Variants in SCEL observed in about 807,000 individuals in gnomAD.
SCEL encodes sciellin.
SCEL carries 113 observed loss-of-function variants against 117.6 expected under a neutral mutation model. That is an observed-to-expected ratio of 0.96 (90% CI 0.83 to 1.12). The LOEUF (loss-of-function observed/expected upper bound fraction) is 1.12. Ranked by LOEUF, SCEL falls within the 50% of genes most tolerant of loss-of-function variation. The pLI, the probability that SCEL is intolerant of heterozygous loss-of-function variation, is 0.00. For missense variants in SCEL, 785 were observed against 810.8 expected, an observed-to-expected ratio of 0.97 and a Z score of 0.39; for synonymous variants, 270 against 256.2, an observed-to-expected ratio of 1.05 and a Z score of -0.51.
In SCEL at chr13:77,634,433, G is replaced by C. The variant is rs1260444373; in HGVS notation, c.1746G>C (p.Arg582Ser). ...CACAGGATACTGTTGTGTACACAAGGACATATGTGGAGAATAGGTATTCAA... is the reference window on the plus strand; with the variant it reads ...CACAGGATACTGTTGTGTACACAAGCACATATGTGGAGAATAGGTATTCAA... ...AGPQDTVVYT[R>S]TYVENSKSPK... The change falls in exon 29 of 33, where the codon AGG becomes AGC. Residue 582 changes from arginine to serine, a missense_variant. By Grantham distance (110) the Arg-to-Ser change is moderately radical. Transcript: ENST00000349847. 1.2e-6 allele frequency: 2 copies of C among 1,611,952 alleles called. No individual in the cohort carries two copies. Among genetic ancestry groups the C allele is most frequent in the African/African-American group, 2.7e-5 (2 of 74,864 alleles).
At chr13:77,538,515 A>C (rs549607360) in intron 1 of SCEL, among the ~76,000 whole-genome samples, 2 of 152,300 alleles carry the variant, frequency 1.3e-5, no homozygotes, top group South Asian at 4.1e-4. Flanking sequence ...TGTGATTTTG[A>C]AGCTCGGGAG....
At chr13:77,555,497 C>G (rs1478444322) in intron 1 of SCEL, among the ~76,000 whole-genome samples, 1 of 152,184 alleles carries the variant, frequency 6.6e-6, no homozygotes, top group African/African-American at 2.4e-5. Flanking sequence ...TGCCCAGACA[C>G]TTGTCTAACT....
intron 11 of SCEL, among the ~76,000 whole-genome samples, chr13:77,593,304 G>GCGCGCGTC (rs1567392141): frequency 2.7e-5 from 4 of 146,704 alleles, no homozygotes; most frequent in Admixed American, 6.8e-5. Context: ...GTGTCTGTGT[G>GCGCGCGTC]TGTGTGTGTG....
At chr13:77,540,061 G>T (rs1385228604) in intron 1 of SCEL, among the ~76,000 whole-genome samples, 1 of 152,136 alleles carries the variant, frequency 6.6e-6, no homozygotes, top group African/African-American at 2.4e-5. Flanking sequence ...GAATATGTAA[G>T]AATTTAAAGT....
intron 29 of SCEL, among the ~76,000 whole-genome samples, chr13:77,635,774 A>C (rs1440571942): frequency 1.3e-5 from 2 of 152,218 alleles, no homozygotes; most frequent in South Asian, 2.1e-4. Context: ...TACCCTGTAC[A>C]TATGTGTATC....
At chr13:77,617,033 T>C (rs1480873536) in intron 24 of SCEL, among the ~76,000 whole-genome samples, 1 of 152,118 alleles carries the variant, frequency 6.6e-6, no homozygotes, top group Non-Finnish European at 1.5e-5. Flanking sequence ...GTTCTGTGGC[T>C]GAGAAGAGAA....
chr13:77,578,886 T>A lies in SCEL; in HGVS notation c.545+6697T>A, dbSNP rs1394862241. On this transcript the variant is annotated intron_variant, in intron 9 of 32. Coordinates refer to ENST00000349847, the MANE Select transcript of SCEL (RefSeq NM_144777.3). ...GGAGTGTGCTCAGGTAAAAGGCAGG[T>A]TCCAAAGATCTAGGTTTGGGAATGA... 5.3e-5 allele frequency among the ~76,000 whole-genome samples: 8 copies of A among 152,110 alleles called. No homozygotes were observed. The East Asian group carries it at 1.5e-3, about 29-fold the overall frequency.
At chr13:77,626,465 G>A (rs2089737758) in intron 27 of SCEL, among the ~76,000 whole-genome samples, 1 of 152,100 alleles carries the variant, frequency 6.6e-6, no homozygotes, top group South Asian at 2.1e-4. Flanking sequence ...GATATGGTTT[G>A]GCTCTGTGTC....
chr13:77,552,200 G>A (rs1468033242), intron 1 of SCEL, among the ~76,000 whole-genome samples: 14 of 150,720 alleles, frequency 9.3e-5, no homozygotes, highest in Admixed American at 9.3e-4. Flanking sequence ...AGTCCTTTGG[G>A]TATATACCCA....
chr13:77,613,929 C>A lies in SCEL; in HGVS notation c.1425C>A (p.Ser475Arg). 6.2e-7 allele frequency: 1 copy of A among 1,613,408 alleles called. No individual in the cohort carries two copies. Among genetic ancestry groups the A allele is most frequent in the African/African-American group, 1.3e-5 (1 of 74,964 alleles). The change falls in exon 24 of 33, where the codon AGC (serine) becomes AGA (arginine). Residue 475 changes from serine (S) to arginine (R), a missense_variant. Physicochemically the swap from Ser to Arg is moderately radical, Grantham distance 110. Coordinates refer to ENST00000349847, the MANE Select transcript of SCEL (RefSeq NM_144777.3). ...EQGLDEHINV[S>R]PKAVKNTDGK... ...GTCTTGATGAACATATTAATGTCAG[C>A]CCCAAAGCTGTCAAAAACACTGATG...
In SCEL at chr13:77,627,932, T is replaced by A; in HGVS notation, c.1629-15T>A. ...TATGTTGTAATTATTCATATATATA[T>A]ATTTTTTTCCTTAGAGACCAGAACC... On this transcript the variant is annotated splice_polypyrimidine_tract_variant and intron_variant, in intron 27 of 32. Transcript: ENST00000349847. The A allele has an allele frequency of 8.6e-7, 1 of 1,162,702 alleles. No homozygotes were observed. The highest frequency in any genetic ancestry group is 1.5e-5 in the African/African-American group (1 of 65,054). 72.0% of individuals were successfully genotyped at this position (1,162,702 alleles called of 1,614,324 possible). A position where few individuals can be genotyped will look rare whatever the true frequency, so the allele number is the denominator to read the frequency against.
chr13:77,546,683 CAA>C (rs555752724), intron 1 of SCEL, among the ~76,000 whole-genome samples: 28 of 124,878 alleles, frequency 2.2e-4, no homozygotes, highest in Admixed American at 3.2e-4. Context: ...ACAACAACAA[CAA>C]AAAAAAAAAA....
chr13:77,555,664 T>C (rs2084613082), intron 1 of SCEL, among the ~76,000 whole-genome samples, 193 bp from the exon 2 acceptor site: 1 of 152,140 alleles, frequency 6.6e-6, no homozygotes, highest in African/African-American at 2.4e-5. Flanking sequence ...CCTCATTTTC[T>C]CCATCTGTAA....
At chr13:77,579,808 G>C (rs946746599) in intron 9 of SCEL, among the ~76,000 whole-genome samples, 12 of 152,212 alleles carry the variant, frequency 7.9e-5, no homozygotes, top group Admixed American at 3.9e-4. Flanking sequence ...GAGTAAGCCA[G>C]ATGCAAAGGG....
intron 30 of SCEL, among the ~76,000 whole-genome samples, chr13:77,639,764 A>T (rs2090472564): frequency 6.6e-6 from 1 of 152,320 alleles, no homozygotes; most frequent in East Asian, 1.9e-4. Context: ...CATATATCAT[A>T]TAAAGGGCTA....
chr13:77,538,112 A>T (rs2154392958), intron 1 of SCEL, among the ~76,000 whole-genome samples: 1 of 148,320 alleles, frequency 6.7e-6, no homozygotes, highest in South Asian at 2.1e-4. Context: ...CTGAATCAAA[A>T]GTCTTTTTTT....
chr13:77,545,712 T>C (rs1325692425), intron 1 of SCEL, among the ~76,000 whole-genome samples: 1 of 152,060 alleles, frequency 6.6e-6, no homozygotes. Context: ...ATGATTTGGG[T>C]GACATGGACA....
chr13:77,536,267 A>G (rs1209892618), intron 1 of SCEL, among the ~76,000 whole-genome samples: 1 of 152,114 alleles, frequency 6.6e-6, no homozygotes, highest in Non-Finnish European at 1.5e-5. Flanking sequence ...TTAATAAGTC[A>G]TATTTATTTT....
At chr13:77,617,375 C>T (rs1045988618) in intron 24 of SCEL, among the ~76,000 whole-genome samples, 1 of 152,036 alleles carries the variant, frequency 6.6e-6, no homozygotes, top group African/African-American at 2.4e-5. Flanking sequence ...AACCAGCCTG[C>T]CCTTGTAGAT....
Sources: gnomAD v4.1 joint callset for allele counts (sites outside exome capture counted in the v4.1 genomes callset) on GRCh38, gnomAD v4.1.1 for gene constraint, MANE v1.5 for transcripts, NCBI Gene and HGNC (gene_info 2026-07-23, HGNC 2026-07-21) for gene names.